Variants in GALNT10 observed in about 807,000 individuals in gnomAD.
GALNT10 encodes the protein GalNAc transferase 10.
In GALNT10, 41 loss-of-function variants were observed where a neutral mutation model predicts 75.0. The ratio of observed to expected loss-of-function variants is 0.55; its 90% CI spans 0.43 to 0.71. GALNT10 has a LOEUF of 0.71. GALNT10 is among the 30% of genes least tolerant of loss of function. GALNT10 has a pLI of 0.00. For missense variants in GALNT10, 727 were observed against 818.5 expected, an observed-to-expected ratio of 0.89 and a Z score of 1.36; for synonymous variants, 302 against 313.0, an observed-to-expected ratio of 0.96 and a Z score of 0.37.
intron 1 of GALNT10, chr5:154,219,945 A>G (rs972987506): frequency 1.3e-5 from 2 of 152,030 alleles, no homozygotes; most frequent in African/African-American, 4.8e-5. Flanking sequence ...CACAAAGTAG[A>G]CCTTCAAGAA....
At chr5:154,384,817 C>A (rs1278783979) in intron 6 of GALNT10, among the ~76,000 whole-genome samples, 1 of 152,200 alleles carries the variant, frequency 6.6e-6, no homozygotes, top group Non-Finnish European at 1.5e-5. Flanking sequence ...TGCTTTTTAG[C>A]CATGGGGCCT....
chr5:154,390,592 T>C (rs1047496393), intron 7 of GALNT10, among the ~76,000 whole-genome samples: 4 of 152,238 alleles, frequency 2.6e-5, no homozygotes, highest in Non-Finnish European at 5.9e-5. Flanking sequence ...TCGTTTTTTT[T>C]CTTTAGTTGA....
chr5:154,350,106 G>A (rs1422747526), intron 4 of GALNT10, among the ~76,000 whole-genome samples: 5 of 152,140 alleles, frequency 3.3e-5, no homozygotes, highest in Non-Finnish European at 7.3e-5. Flanking sequence ...TGACACAGCC[G>A]TGAACATTTA....
intron 1 of GALNT10, chr5:154,217,996 C>T: frequency 3.0e-6 from 3 of 984,376 alleles, no homozygotes. Flanking sequence ...GGAATCATTC[C>T]ATGTGGTTTC....
chr5:154,298,177 G>A lies in GALNT10; in HGVS notation c.401+98G>A, dbSNP rs185108639. 1.9e-3 allele frequency: 2,032 copies of A among 1,045,808 alleles called. 6 individuals carry two copies. Among genetic ancestry groups the A allele is most frequent in the Non-Finnish European group, 2.4e-3 (1,691 of 694,518 alleles). 64.8% of individuals were successfully genotyped at this position (1,045,808 alleles called of 1,614,324 possible). On this transcript the variant is annotated intron_variant, in intron 3 of 11. Transcript: ENST00000297107. This position sits in a 1 kb window ranked among gnomAD's most constrained non-coding sequence, Gnocchi z 4.1. ...AGCAGGTACATGGAGCCCTGCTGACGGAGACACCCTCCTCTTTCACAGGCA... is the reference window on the plus strand; with the variant it reads ...AGCAGGTACATGGAGCCCTGCTGACAGAGACACCCTCCTCTTTCACAGGCA...
intron 3 of GALNT10, among the ~76,000 whole-genome samples, chr5:154,314,247 C>T (rs11741084): frequency 0.3 from 45,981 of 151,934 alleles, 7,707 homozygotes; most frequent in African/African-American, 0.45. Flanking sequence ...GTGACCCAGC[C>T]ACTAAGTGAC....
At chr5:154,286,894 G>T (rs898187492) in intron 1 of GALNT10, among the ~76,000 whole-genome samples, 1 of 152,146 alleles carries the variant, frequency 6.6e-6, no homozygotes, top group Non-Finnish European at 1.5e-5. Flanking sequence ...CATAAATAGT[G>T]CCATTCAGGT....
intron 4 of GALNT10, among the ~76,000 whole-genome samples, chr5:154,330,955 A>G (rs1475009924): frequency 8.5e-6 from 1 of 117,270 alleles, no homozygotes; most frequent in Non-Finnish European, 1.8e-5. Flanking sequence ...GTGTGTAGAC[A>G]TTTAACTCAG....
chr5:154,275,648 T>C (rs1394020256), intron 1 of GALNT10, among the ~76,000 whole-genome samples: 3 of 152,222 alleles, frequency 2.0e-5, no homozygotes, highest in Non-Finnish European at 1.5e-5. Flanking sequence ...CAGCATCCAC[T>C]TCCAAGATGG....
intron 7 of GALNT10, chr5:154,389,647 A>G (rs954403253): frequency 7.9e-5 from 12 of 151,936 alleles, no homozygotes; most frequent in Non-Finnish European, 1.6e-4. Flanking sequence ...TTTCTCACTT[A>G]TTTAGAATTA....
chr5:154,342,035 G>A (rs1041399558), intron 4 of GALNT10, among the ~76,000 whole-genome samples: 1 of 152,142 alleles, frequency 6.6e-6, no homozygotes, highest in Non-Finnish European at 1.5e-5. Flanking sequence ...TGAGGACTGG[G>A]TAAGGTACTG....
chr5:154,412,788 C>A lies in GALNT10; in HGVS notation c.1387-101C>A. 1 of 818,064 alleles carries A rather than the reference C, an allele frequency of 1.2e-6. No individual in the cohort carries two copies. The allele number at this position is 818,064 out of a possible 1,614,324, so 50.7% of individuals were successfully genotyped here. A position where few individuals can be genotyped will look rare whatever the true frequency, so the allele number is the denominator to read the frequency against. ...TATCAAGACGATTTGAAGGTTAATCCAGCTAATGTCTCCCACTTGGTTTCC... is the reference window on the plus strand; with the variant it reads ...TATCAAGACGATTTGAAGGTTAATCAAGCTAATGTCTCCCACTTGGTTTCC... On this transcript the variant is annotated intron_variant, in intron 9 of 11. Transcript: ENST00000297107. This position sits in a 1 kb window ranked among gnomAD's most constrained non-coding sequence, Gnocchi z 4.2.
intron 1 of GALNT10, among the ~76,000 whole-genome samples, chr5:154,220,958 G>A (rs1752968304): frequency 1.3e-5 from 2 of 152,204 alleles, no homozygotes; most frequent in Non-Finnish European, 2.9e-5. Context: ...ACTGTCCTGA[G>A]TTTTAAATAT....
intron 1 of GALNT10, among the ~76,000 whole-genome samples, chr5:154,206,626 CTT>C (rs1775115478): frequency 6.6e-6 from 1 of 152,214 alleles, no homozygotes; most frequent in Non-Finnish European, 1.5e-5. Flanking sequence ...AAGGTTAAAA[CTT>C]TAGCAAAGTG....
chr5:154,303,340 G>T (rs1280979819), intron 3 of GALNT10, among the ~76,000 whole-genome samples: 2 of 152,180 alleles, frequency 1.3e-5, no homozygotes, highest in Non-Finnish European at 2.9e-5. Flanking sequence ...AGAGTCCAAG[G>T]AGATCAAGAA....
chr5:154,257,007 G>T (rs2113020865), intron 1 of GALNT10, among the ~76,000 whole-genome samples: 1 of 152,144 alleles, frequency 6.6e-6, no homozygotes, highest in Middle Eastern at 3.4e-3. Context: ...ATTACAGGTG[G>T]CTCATTCCTG....
chr5:154,303,124 G>A (rs1259824149), intron 3 of GALNT10, among the ~76,000 whole-genome samples: 1 of 151,838 alleles, frequency 6.6e-6, no homozygotes, highest in African/African-American at 2.4e-5. Flanking sequence ...CAAAAAAAAA[G>A]GCCAGGCAAA....
At chr5:154,284,075 A>G (rs1415970897) in intron 1 of GALNT10, among the ~76,000 whole-genome samples, 1 of 152,250 alleles carries the variant, frequency 6.6e-6, no homozygotes. Flanking sequence ...ATTATAAAAT[A>G]CTACCAAATA....
intron 4 of GALNT10, among the ~76,000 whole-genome samples, chr5:154,343,892 G>T (rs1189905793): frequency 6.6e-6 from 1 of 152,092 alleles, no homozygotes; most frequent in Non-Finnish European, 1.5e-5. Context: ...TGATATCAGG[G>T]CACCCCAGGT....
Sources: gnomAD v4.1 joint callset for allele counts (sites outside exome capture counted in the v4.1 genomes callset) on GRCh38, gnomAD v4.1.1 for gene constraint, Gnocchi (gnomAD v3.1) non-coding constraint, MANE v1.5 for transcripts, NCBI Gene and HGNC (gene_info 2026-07-23, HGNC 2026-07-21) for gene names.